WWP2: variants seen among roughly 807,000 people sequenced by gnomAD.
The protein encoded by WWP2 is WW domain containing E3 ubiquitin protein ligase 2, also known as NEDD4-like E3 ubiquitin-protein ligase WWP2.
A neutral mutation model predicts 121.0 loss-of-function variants in WWP2; 57 were observed. The ratio of observed to expected loss-of-function variants is 0.47; its 90% CI spans 0.38 to 0.59. The LOEUF is 0.59. Among genes scored for constraint, WWP2 ranks in the 20% least tolerant of loss-of-function variants. The pLI is 0.00. For synonymous variants in WWP2, 449 were observed against 441.3 expected, an observed-to-expected ratio of 1.02 and a Z score of -0.22; for missense variants, 962 against 1,158.9, an observed-to-expected ratio of 0.83 and a Z score of 2.47.
At chr16:69,907,124 G>C (rs1307065876) in intron 8 of WWP2, among the ~76,000 whole-genome samples, 1 of 152,192 alleles carries the variant, frequency 6.6e-6, no homozygotes, top group East Asian at 1.9e-4. Flanking sequence ...TGGAGCTTGT[G>C]AGTATTACTG....
chr16:69,809,790 C>CAGAGAG (rs139573012), intron 4 of WWP2, among the ~76,000 whole-genome samples: 7 of 138,240 alleles, frequency 5.1e-5, no homozygotes, highest in African/African-American at 1.6e-4. Context: ...GAGAGAGAGA[C>CAGAGAG]AGAGAGAGAG....
chr16:69,893,341 G>T (rs1001523315), intron 8 of WWP2, among the ~76,000 whole-genome samples: 1 of 152,224 alleles, frequency 6.6e-6, no homozygotes, highest in African/African-American at 2.4e-5. Flanking sequence ...TGTTTGCAAT[G>T]AATGGATGAG....
chr16:69,803,014 A>G (rs1156533050), intron 4 of WWP2, among the ~76,000 whole-genome samples: 3 of 151,840 alleles, frequency 2.0e-5, no homozygotes, highest in African/African-American at 7.2e-5. Context: ...GACCTGTACA[A>G]TTTACCTTCC....
Position 69,940,124 on chromosome 16 carries a change from G to A in WWP2, c.*184G>A, listed in dbSNP as rs1398386568. 6.7e-6 allele frequency: 4 copies of A among 594,916 alleles called. No individual in the cohort carries two copies. Among genetic ancestry groups the A allele is most frequent in the African/African-American group, 1.9e-5 (1 of 53,716 alleles). The allele number at this position is 594,916 out of a possible 1,614,324, so 36.9% of individuals were successfully genotyped here. A position where few individuals can be genotyped will look rare whatever the true frequency, so the allele number is the denominator to read the frequency against. ...GGAGGCCCTGCAGTTCCCCCGACCCGCGGATGGCAGTCTGGAATAAAGCCC... is the reference window on the plus strand; with the variant it reads ...GGAGGCCCTGCAGTTCCCCCGACCCACGGATGGCAGTCTGGAATAAAGCCC... On this transcript the variant is annotated 3_prime_UTR_variant, in exon 24 of 24. Coordinates refer to ENST00000359154, the MANE Select transcript of WWP2 (RefSeq NM_001270454.2).
At chr16:69,842,684 T>C (rs2057001376) in intron 6 of WWP2, among the ~76,000 whole-genome samples, 1 of 152,164 alleles carries the variant, frequency 6.6e-6, no homozygotes. Flanking sequence ...TTGTTTTGTT[T>C]TTTGATATGG....
In WWP2 at chr16:69,937,312, G is replaced by A. The variant is rs1034096762; in HGVS notation, c.2238+74G>A. The A allele has an allele frequency of 6.3e-7, 1 of 1,580,694 alleles. No homozygotes were observed. On this transcript the variant is annotated intron_variant, in intron 20 of 23. Coordinates refer to ENST00000359154, the MANE Select transcript of WWP2 (RefSeq NM_001270454.2). This position sits in a 1 kb window ranked among gnomAD's most constrained non-coding sequence, Gnocchi z 6.6. ...TCCTGCTCTGTGATACGCTCACTGTGTACCCACAGACACTCAGCGTAAAAC... is the reference window on the plus strand; with the variant it reads ...TCCTGCTCTGTGATACGCTCACTGTATACCCACAGACACTCAGCGTAAAAC...
chr16:69,767,831 TTTC>T (rs2038765521), intron 1 of WWP2, among the ~76,000 whole-genome samples: 1 of 152,190 alleles, frequency 6.6e-6, no homozygotes, highest in Non-Finnish European at 1.5e-5. Flanking sequence ...ATTTCTTTTC[TTTC>T]TTCTTTATTT....
At chr16:69,919,656 G>C (rs1394852372) in intron 10 of WWP2, among the ~76,000 whole-genome samples, 1 of 152,198 alleles carries the variant, frequency 6.6e-6, no homozygotes, top group South Asian at 2.1e-4. Flanking sequence ...GTAGGGAGAC[G>C]TGGGACTCCC....
chr16:69,804,293 A>G (rs2056231131), intron 4 of WWP2, among the ~76,000 whole-genome samples: 2 of 151,996 alleles, frequency 1.3e-5, no homozygotes, highest in Admixed American at 1.3e-4. Context: ...CTAGGTGTTT[A>G]TGATTTTATT....
chr16:69,897,139 G>GTCA, intron 8 of WWP2, among the ~76,000 whole-genome samples: 1 of 151,592 alleles, frequency 6.6e-6, no homozygotes, highest in Admixed American at 6.6e-5. Flanking sequence ...CAGAATCTGT[G>GTCA]TCACCCAGGC....
chr16:69,862,453 A>G (rs927556094), intron 6 of WWP2, among the ~76,000 whole-genome samples: 3 of 148,410 alleles, frequency 2.0e-5, no homozygotes, highest in Non-Finnish European at 4.5e-5. Flanking sequence ...TGCAGCCTCC[A>G]TTCCCCAGGC....
intron 6 of WWP2, among the ~76,000 whole-genome samples, chr16:69,849,464 G>A (rs910539491): frequency 3.6e-5 from 5 of 139,976 alleles, no homozygotes; most frequent in Non-Finnish European, 3.1e-5. Flanking sequence ...TGGAATAAGT[G>A]TTATTTATTT....
intron 4 of WWP2, among the ~76,000 whole-genome samples, chr16:69,823,661 T>G (rs897197099): frequency 7.0e-4 from 107 of 151,820 alleles, no homozygotes; most frequent in African/African-American, 2.5e-3. Context: ...AGAAAAGGGG[T>G]TTTGCCATGT....
chr16:69,940,041 T>A lies in WWP2; in HGVS notation c.*101T>A. On this transcript the variant is annotated 3_prime_UTR_variant, in exon 24 of 24. Coordinates refer to ENST00000359154, the MANE Select transcript of WWP2 (RefSeq NM_001270454.2). ...GCAGCCCTTGGGAGGCCCCCGTGGA[T>A]GTGGCCCTGTGTGGGACCACACTGT... The A allele has an allele frequency of 1.1e-6, 1 of 899,566 alleles. No homozygotes were observed. The highest frequency in any genetic ancestry group is 1.7e-6 in the Non-Finnish European group (1 of 590,092). 55.7% of individuals were successfully genotyped at this position (899,566 alleles called of 1,614,324 possible). A position where few individuals can be genotyped will look rare whatever the true frequency, so the allele number is the denominator to read the frequency against.
chr16:69,918,033 A>T, intron 10 of WWP2, 150 bp downstream of exon 10: 1 of 1,064,306 alleles, frequency 9.4e-7, no homozygotes, highest in Non-Finnish European at 1.3e-6. Flanking sequence ...TACTCATCAC[A>T]GTGAAATTCC....
chr16:69,823,262 A>G (rs536202981), intron 4 of WWP2, among the ~76,000 whole-genome samples: 1 of 152,190 alleles, frequency 6.6e-6, no homozygotes, highest in Non-Finnish European at 1.5e-5. Context: ...TATTTTACAT[A>G]CTTTTTGGCC....
intron 7 of WWP2, among the ~76,000 whole-genome samples, chr16:69,882,879 G>A (rs1475261826): frequency 1.3e-5 from 2 of 152,328 alleles, no homozygotes; most frequent in Non-Finnish European, 1.5e-5. Context: ...CAGACCGGGT[G>A]CGGTGGCTCA....
At position 69,935,278 on chromosome 16, in the gene WWP2, T is replaced by C. The variant is rs1218002964; in HGVS notation, c.1843-575T>C. Among the ~76,000 whole-genome samples, 2 of 152,120 alleles carry C rather than the reference T, an allele frequency of 1.3e-5. No individual in the cohort carries two copies. Among genetic ancestry groups the C allele is most frequent in the Non-Finnish European group, 2.9e-5 (2 of 68,016 alleles). On this transcript the variant is annotated intron_variant, in intron 17 of 23. Transcript: ENST00000359154. The surrounding 1 kb of genome is among the most constrained non-coding windows in gnomAD (Gnocchi z 5.2). ...TAAATATGGCCGGCCCTTCCCATCGTCGAGGAGTTCTTGGCCAAGGTGCTG... is the reference window on the plus strand; with the variant it reads ...TAAATATGGCCGGCCCTTCCCATCGCCGAGGAGTTCTTGGCCAAGGTGCTG...
intron 21 of WWP2, 39 bp from the exon 22 acceptor site, chr16:69,938,988 G>A (rs759869076): frequency 2.1e-5 from 33 of 1,563,302 alleles, no homozygotes; most frequent in Admixed American, 7.5e-5. Flanking sequence ...ACTGGGCCCC[G>A]TGGGTTGCCT....
Sources: allele counts gnomAD v4.1 joint callset (sites outside exome capture counted in the v4.1 genomes callset), GRCh38; gene constraint gnomAD v4.1.1; non-coding constraint Gnocchi (gnomAD v3.1); transcripts MANE v1.5; gene names NCBI Gene and HGNC (gene_info 2026-07-23, HGNC 2026-07-21).